Variants in SYNE1 observed in about 807,000 individuals in gnomAD.
The protein encoded by SYNE1 is nesprin-1.
SYNE1 carries 616 observed loss-of-function variants against 1,111.0 expected under a neutral mutation model. That is an observed-to-expected ratio of 0.55 (90% CI 0.52 to 0.59). The LOEUF is 0.59. Among genes scored for constraint, SYNE1 ranks in the 20% least tolerant of loss-of-function variants. SYNE1 has a pLI of 0.00. For missense variants in SYNE1, 10,006 were observed against 10,417.0 expected (o/e 0.96, Z 1.72); for synonymous variants, 3,855 against 3,825.8 (o/e 1.01, Z -0.28).
At chr6:152,592,865 C>T (rs751176865) in intron 3 of SYNE1, among the ~76,000 whole-genome samples, 2 of 152,154 alleles carry the variant, frequency 1.3e-5, no homozygotes, top group Admixed American at 6.5e-5. Context: ...AGTGAACTGG[C>T]ATGTCTTCAT....
At chr6:152,255,549 T>G (rs748080914) in intron 103 of SYNE1, 42 bp downstream of exon 103, 2 of 1,610,024 alleles carry the variant, frequency 1.2e-6, no homozygotes, top group South Asian at 2.2e-5. Flanking sequence ...GTCAAGTGCT[T>G]TGTAATGTTA....
chr6:152,150,589 G>A (rs2060238909), intron 135 of SYNE1, among the ~76,000 whole-genome samples: 1 of 152,186 alleles, frequency 6.6e-6, no homozygotes, highest in Non-Finnish European at 1.5e-5. Context: ...AAGGTTATGG[G>A]CGTCATGACC....
intron 75 of SYNE1, among the ~76,000 whole-genome samples, chr6:152,337,950 C>T (rs749976766): frequency 1.3e-5 from 2 of 151,990 alleles, no homozygotes; most frequent in Non-Finnish European, 2.9e-5. Context: ...GAATTCGAGA[C>T]CCACCTGGGC....
chr6:152,470,989 A>G (rs1435213138), intron 16 of SYNE1, among the ~76,000 whole-genome samples: 1 of 152,220 alleles, frequency 6.6e-6, no homozygotes, highest in Non-Finnish European at 1.5e-5. Context: ...ATGCAGGTCT[A>G]TGATTCTAGT....
intron 21 of SYNE1, among the ~76,000 whole-genome samples, chr6:152,460,765 T>C (rs953145720): frequency 2.0e-5 from 3 of 148,138 alleles, no homozygotes; most frequent in African/African-American, 7.5e-5. Flanking sequence ...ATCCATCTAG[T>C]TCCCTGTACA....
intron 3 of SYNE1, among the ~76,000 whole-genome samples, chr6:152,615,940 G>A (rs188178752): frequency 1.3e-5 from 2 of 152,184 alleles, no homozygotes; most frequent in African/African-American, 4.8e-5. Flanking sequence ...TGTATGCCAT[G>A]TATCACATTT....
At chr6:152,339,620 C>G (rs192450486) in intron 74 of SYNE1, among the ~76,000 whole-genome samples, 3 of 152,312 alleles carry the variant, frequency 2.0e-5, no homozygotes, top group Admixed American at 2.0e-4. Flanking sequence ...GGGGAAAACG[C>G]AAGAAACTTC....
chr6:152,600,022 A>G (rs1376262601), intron 3 of SYNE1, among the ~76,000 whole-genome samples: 1 of 152,246 alleles, frequency 6.6e-6, no homozygotes, highest in Non-Finnish European at 1.5e-5. Context: ...AGTAAATTCT[A>G]TAAAATGTCT....
chr6:152,364,658 G>C (rs1234361866), intron 63 of SYNE1, among the ~76,000 whole-genome samples, 189 bp downstream of exon 63: 1 of 146,862 alleles, frequency 6.8e-6, no homozygotes, highest in Non-Finnish European at 1.5e-5. Flanking sequence ...AGGAAAGGGA[G>C]TGAGGGAGGG....
chr6:152,171,381 C>G (rs1027943038), intron 130 of SYNE1, among the ~76,000 whole-genome samples: 1 of 152,190 alleles, frequency 6.6e-6, no homozygotes, highest in Non-Finnish European at 1.5e-5. Context: ...TCAGCAAATA[C>G]GGGAGTGACT....
chr6:152,241,220 G>A (rs2085558392), intron 107 of SYNE1, among the ~76,000 whole-genome samples: 1 of 152,066 alleles, frequency 6.6e-6, no homozygotes, highest in African/African-American at 2.4e-5. Context: ...ACCAGCTGTG[G>A]ACTTTAAAGC....
At chr6:152,243,372 C>T (rs1171451546) in intron 106 of SYNE1, among the ~76,000 whole-genome samples, 7 of 151,972 alleles carry the variant, frequency 4.6e-5, no homozygotes, top group Non-Finnish European at 7.4e-5. Flanking sequence ...ATATTTTTGC[C>T]AAATGTGGTG....
At chr6:152,124,794 T>A (rs2052765883) in intron 145 of SYNE1, among the ~76,000 whole-genome samples, 1 of 152,232 alleles carries the variant, frequency 6.6e-6, no homozygotes, top group African/African-American at 2.4e-5. Context: ...TTGAGTTACC[T>A]GAGCATAAAA....
In SYNE1 at chr6:152,329,952, C is replaced by A; in HGVS notation, c.14733G>T (p.Val4911=). The stretch of plus-strand genomic sequence containing the variant: ...TGTCCTGCAGGTTGAGGTCTAGGTA[C>A]ACCGGCCCACTGAGCTCTGCCTTCA... ...RRVKAELSGP[V]YLDLNLQDIQ... Residue 4911 remains valine (V), a synonymous_variant, in exon 78 of 146, where the codon GTG becomes GTT. Coordinates refer to ENST00000367255, the MANE Select transcript of SYNE1 (RefSeq NM_182961.4). 6.2e-7 allele frequency: 1 copy of A among 1,614,196 alleles called. No homozygotes were observed.
intron 131 of SYNE1, among the ~76,000 whole-genome samples, chr6:152,160,611 C>A (rs2062283342): frequency 6.6e-6 from 1 of 152,118 alleles, no homozygotes; most frequent in South Asian, 2.1e-4. Context: ...AGTGTATTTT[C>A]CTCTCACTTT....
At position 152,483,238 on chromosome 6, in the gene SYNE1, CCAGT is replaced by C. The variant is rs1427126311; in HGVS notation, c.1193_1196del (p.Asp398GlyfsTer16). 6.2e-7 allele frequency: 1 copy of C among 1,613,880 alleles called. No individual in the cohort carries two copies. The highest frequency in any genetic ancestry group is 1.3e-5 in the African/African-American group (1 of 74,908). ...GAAGAGATTTATCAAGCTGTATATG[CCAGT>C]CAAAGAGCTAAAATTTAAAAAGCAG... On this transcript the variant is annotated frameshift_variant, in exon 14 of 146. Transcript: ENST00000367255. LOFTEE classifies it high-confidence loss of function.
chr6:152,509,757 TAA>T (rs138196158), intron 8 of SYNE1, among the ~76,000 whole-genome samples: 56 of 149,516 alleles, frequency 3.7e-4, no homozygotes, highest in African/African-American at 1.4e-3. Flanking sequence ...TTTCAGAACA[TAA>T]AAAAAAAATG....
rs2093010129 is a variant in SYNE1 at position 152,269,340 on chromosome 6, C to T, written c.18574-54G>A. ...ATGCTACACACCGGAAAACCTTAAC[C>T]AAAGGGGAGAGAAGGCTACTTTGGT... On this transcript the variant is annotated intron_variant, in intron 98 of 145. Coordinates refer to ENST00000367255, the MANE Select transcript of SYNE1 (RefSeq NM_182961.4). 2.5e-6 allele frequency: 4 copies of T among 1,612,452 alleles called. No individual in the cohort carries two copies. The South Asian group carries it at 4.4e-5, about 18-fold the overall frequency.
At chr6:152,407,508 A>T (rs113564373) in intron 44 of SYNE1, among the ~76,000 whole-genome samples, 200 of 152,310 alleles carry the variant, frequency 1.3e-3, no homozygotes, top group African/African-American at 4.4e-3. Flanking sequence ...CTACAGGACA[A>T]AGGTCCATCA....
Sources: gnomAD v4.1 joint callset for allele counts (sites outside exome capture counted in the v4.1 genomes callset) on GRCh38, gnomAD v4.1.1 for gene constraint, MANE v1.5 for transcripts, NCBI Gene and HGNC (gene_info 2026-07-23, HGNC 2026-07-21) for gene names.